The following ECI1 variants were observed in gnomAD, a reference collection of about 807,000 sequenced individuals.
ECI1 encodes the protein enoyl-CoA delta isomerase 1, mitochondrial.
Under a neutral mutation model 34.2 loss-of-function variants are expected in ECI1, and 34 were observed. That is an observed-to-expected ratio of 1.00 (90% confidence interval 0.76 to 1.33). The LOEUF is 1.33. Among genes scored for constraint, ECI1 ranks in the 40% most tolerant of loss-of-function variants. The probability of loss-of-function intolerance (pLI) is 0.00; values close to 1 mark genes in which losing one functional copy is unlikely to be tolerated. For missense variants in ECI1, 456 were observed against 422.2 expected, an observed-to-expected ratio of 1.08 and a Z score of -0.70; for synonymous variants, 211 against 193.0, an observed-to-expected ratio of 1.09 and a Z score of -0.77.
intron 3 of ECI1, 100 bp downstream of exon 3, chr16:2,246,759 T>C: frequency 6.3e-7 from 1 of 1,578,812 alleles, no homozygotes; most frequent in South Asian, 1.1e-5. Flanking sequence ...TGCCACACGT[T>C]GGCAGGCTCT....
intron 6 of ECI1, chr16:2,240,452 C>T: frequency 2.9e-6 from 1 of 347,992 alleles, no homozygotes; most frequent in African/African-American, 2.1e-5. Context: ...CTCAGGTGAT[C>T]CACCCATCTC....
chr16:2,244,794 G>C (rs1337708091), intron 3 of ECI1, among the ~76,000 whole-genome samples: 1 of 152,212 alleles, frequency 6.6e-6, no homozygotes, highest in African/African-American at 2.4e-5. Context: ...CTGGATAGGA[G>C]AGGACAGGCA....
At chr16:2,241,048 A>C (rs1273236375) in intron 6 of ECI1, 2 of 151,854 alleles carry the variant, frequency 1.3e-5, no homozygotes, top group Admixed American at 6.6e-5. Flanking sequence ...TCCACGACGC[A>C]GGAGGCTGAG....
chr16:2,249,484 T>TACAC (rs373001180), intron 2 of ECI1, among the ~76,000 whole-genome samples: 1 of 151,468 alleles, frequency 6.6e-6, no homozygotes, highest in Non-Finnish European at 1.5e-5. Context: ...GATTTTTATG[T>TACAC]ACACACACAC....
At chr16:2,243,277 C>T (rs777740689) in intron 5 of ECI1, 41 bp downstream of exon 5, 32 of 1,613,274 alleles carry the variant, frequency 2.0e-5, no homozygotes, top group South Asian at 1.1e-5. Flanking sequence ...TCTGTTCCCT[C>T]CACAACAAGC....
intron 6 of ECI1, chr16:2,240,444 C>A: frequency 2.8e-6 from 1 of 363,250 alleles, no homozygotes; most frequent in Non-Finnish European, 5.2e-6. Context: ...CTCCTGACCT[C>A]AGGTGATCCA....
chr16:2,240,251 G>A (rs1596782284), intron 6 of ECI1, 106 bp from the exon 7 acceptor site: 36 of 1,296,652 alleles, frequency 2.8e-5, no homozygotes, highest in South Asian at 2.3e-4. Context: ...TTGCTCTGTC[G>A]CCCAGGCTGG....
rs2093522885 is a variant in ECI1, at chr16:2,239,578, G to T, written c.*401C>A. On this transcript the variant is annotated 3_prime_UTR_variant, in exon 7 of 7. Transcript: ENST00000301729. The stretch of plus-strand genomic sequence containing the variant: ...TGACCAAAGGGCTTTTCCCTGGGGA[G>T]TTCTGTGTGGGTCATGGGGGCCAAG... The T allele has an allele frequency of 6.0e-6, 2 of 335,904 alleles. No homozygotes were observed. Among genetic ancestry groups the T allele is most frequent in the Non-Finnish European group, 1.2e-5 (2 of 172,196 alleles). 20.8% of individuals were successfully genotyped at this position (335,904 alleles called of 1,614,324 possible).
At chr16:2,245,377 C>T (rs1487415652) in intron 3 of ECI1, among the ~76,000 whole-genome samples, 1 of 152,222 alleles carries the variant, frequency 6.6e-6, no homozygotes, top group Non-Finnish European at 1.5e-5. Context: ...AGGAGGGCGA[C>T]AGCCACCTAA....
At chr16:2,246,777 C>G in intron 3 of ECI1, 82 bp downstream of exon 3, 1 of 1,595,844 alleles carries the variant, frequency 6.3e-7, no homozygotes, top group Non-Finnish European at 8.6e-7. Context: ...TCTGCCTCTT[C>G]CATGTGCAAC....
At position 2,243,571 on chromosome 16, in the gene ECI1, G is replaced by T; in HGVS notation, c.442-132C>A. Reference sequence around the variant, plus strand: ...CCCGCAGGGTTCAACACCCACAATGGTCTGGGCTGGGCTGGGTGTGCACTG... The same window carrying T: ...CCCGCAGGGTTCAACACCCACAATGTTCTGGGCTGGGCTGGGTGTGCACTG... On this transcript the variant is annotated intron_variant, in intron 4 of 6. Coordinates refer to ENST00000301729, the MANE Select transcript of ECI1 (RefSeq NM_001919.4). 2.7e-6 allele frequency: 3 copies of T among 1,110,224 alleles called. No individual in the cohort carries two copies. In the East Asian group the frequency reaches 7.5e-5, roughly 28 times the overall value. The allele number at this position is 1,110,224 out of a possible 1,614,324, so 68.8% of individuals were successfully genotyped here.
Position 2,243,436 on chromosome 16 carries a change from C to T in ECI1, c.445G>A (p.Ala149Thr), listed in dbSNP as rs1376826687. Residue 149 changes from alanine (A) to threonine (T), a missense_variant, in exon 5 of 7, where the codon GCC becomes ACC. By Grantham distance (58) the Ala-to-Thr change is moderately conservative. Transcript: ENST00000301729. The stretch of plus-strand genomic sequence containing the variant: ...ACCAGGCAGCCTCCAGCGGGGCAGG[C>T]TCCCTGCAGGGAGAGGCCGGACAGG... Reference protein sequence around the residue: ...NLVLVSAINGACPAGGCLVAL... With the variant: ...NLVLVSAINGTCPAGGCLVAL... The T allele has an allele frequency of 6.2e-7, 1 of 1,612,806 alleles. No individual in the cohort carries two copies. Among genetic ancestry groups the T allele is most frequent in the South Asian group, 1.1e-5 (1 of 91,060 alleles).
chr16:2,241,033 A>C (rs994818880), intron 6 of ECI1: 3 of 151,848 alleles, frequency 2.0e-5, no homozygotes, highest in South Asian at 2.1e-4. Flanking sequence ...ATTATGAAGA[A>C]TATTTCCACG....
intron 3 of ECI1, 29 bp from the exon 4 acceptor site, chr16:2,244,581 A>T: frequency 6.4e-7 from 1 of 1,563,332 alleles, no homozygotes; most frequent in Non-Finnish European, 8.7e-7. Flanking sequence ...CCACATGCCC[A>T]TCAGAGTCCA....
chr16:2,248,950 C>T (rs1232058412), intron 2 of ECI1, among the ~76,000 whole-genome samples: 3 of 152,174 alleles, frequency 2.0e-5, no homozygotes, highest in Non-Finnish European at 2.9e-5. Flanking sequence ...GGGATACCGC[C>T]GGGCTTTGTT....
chr16:2,241,119 C>T (rs2093527220), intron 6 of ECI1: 4 of 151,526 alleles, frequency 2.6e-5, no homozygotes, highest in South Asian at 4.2e-4. Context: ...CGCACCACTG[C>T]ACTCCAGCCT....
chr16:2,248,452 T>C (rs1309659594), intron 2 of ECI1, among the ~76,000 whole-genome samples: 2 of 151,820 alleles, frequency 1.3e-5, no homozygotes, highest in Non-Finnish European at 2.9e-5. Flanking sequence ...CCTCGCTCTG[T>C]TGCCCAGGCT....
chr16:2,249,897 A>AAG (rs2093549017), intron 2 of ECI1, among the ~76,000 whole-genome samples: 4 of 147,692 alleles, frequency 2.7e-5, no homozygotes, highest in Non-Finnish European at 4.5e-5. Context: ...AAAAAAAAAA[A>AAG]AAAAAAAAGA....
chr16:2,243,650 G>C (rs917891591), intron 4 of ECI1, among the ~76,000 whole-genome samples: 3 of 152,220 alleles, frequency 2.0e-5, no homozygotes, highest in African/African-American at 7.2e-5. Context: ...GAGGGTCTGA[G>C]GCTCGTCCTC....
Sources: gnomAD v4.1 joint callset for allele counts (sites outside exome capture counted in the v4.1 genomes callset) on GRCh38, gnomAD v4.1.1 for gene constraint, MANE v1.5 for transcripts, NCBI Gene and HGNC (gene_info 2026-07-23, HGNC 2026-07-21) for gene names.